The following ZNF385B variants were observed in gnomAD, a reference collection of about 807,000 sequenced individuals.
ZNF385B encodes the protein zinc finger protein 533.
Under a neutral mutation model 39.2 loss-of-function variants are expected in ZNF385B, and 23 were observed. That is an observed-to-expected ratio of 0.59 (90% CI 0.42 to 0.83). The LOEUF is 0.83. ZNF385B is among the 40% of genes least tolerant of loss of function. The pLI is 0.00. For missense variants in ZNF385B, 552 were observed against 598.9 expected (o/e 0.92, Z 0.82); for synonymous variants, 205 against 222.6 (o/e 0.92, Z 0.70).
chr2:179,738,097 C>T (rs2106443918), intron 3 of ZNF385B, among the ~76,000 whole-genome samples: 1 of 152,256 alleles, frequency 6.6e-6, no homozygotes, highest in East Asian at 1.9e-4. Flanking sequence ...TTCAGTAACA[C>T]CCATGAGGTA....
intron 1 of ZNF385B, among the ~76,000 whole-genome samples, chr2:179,859,378 T>A (rs1684860999): frequency 1.3e-5 from 2 of 152,244 alleles, no homozygotes; most frequent in Admixed American, 1.3e-4. Context: ...ATATAGATGA[T>A]ACTTAGTGGT....
At chr2:179,461,210 T>A (rs527520612) in intron 6 of ZNF385B, among the ~76,000 whole-genome samples, 1 of 152,260 alleles carries the variant, frequency 6.6e-6, no homozygotes, top group East Asian at 1.9e-4. Context: ...GAAATTTGGA[T>A]GTAACATAAG....
chr2:179,597,212 G>C (rs1405119572), intron 3 of ZNF385B, among the ~76,000 whole-genome samples: 1 of 152,110 alleles, frequency 6.6e-6, no homozygotes, highest in Non-Finnish European at 1.5e-5. Flanking sequence ...ACTTGTTATG[G>C]CAGCACGCCA....
At chr2:179,468,893 CTA>C (rs143450826) in intron 6 of ZNF385B, among the ~76,000 whole-genome samples, 4,952 of 152,216 alleles carry the variant, frequency 0.033, 133 homozygotes, top group Non-Finnish European at 0.051. Flanking sequence ...TCAAAGGAGA[CTA>C]TGTGGACATT....
At position 179,473,369 on chromosome 2, in the gene ZNF385B, G is replaced by A. The variant is rs113257019; in HGVS notation, c.715+9903C>T. On this transcript the variant is annotated intron_variant, in intron 6 of 9. Transcript: ENST00000410066. ...AAACGATCATAGAGTCAAAATATAG[G>A]CAGGACCTGGAAATTTCTTTGAACA... Among the ~76,000 whole-genome samples the A allele has an allele frequency of 9.6e-3, 1,467 of 152,248 alleles. 19 individuals carry two copies. The highest frequency in any genetic ancestry group is 0.033 in the African/African-American group (1,369 of 41,546).
At chr2:179,576,194 T>A in intron 3 of ZNF385B, 1 of 985,262 alleles carries the variant, frequency 1.0e-6, no homozygotes. Context: ...TCTCTTCACA[T>A]CATTACTGGA....
chr2:179,634,500 G>C (rs1241407065), intron 3 of ZNF385B, among the ~76,000 whole-genome samples: 1 of 152,176 alleles, frequency 6.6e-6, no homozygotes, highest in Admixed American at 6.5e-5. Context: ...AAACCACAAT[G>C]AGATACCATC....
At chr2:179,686,929 C>T (rs769066258) in intron 3 of ZNF385B, among the ~76,000 whole-genome samples, 2 of 148,206 alleles carry the variant, frequency 1.3e-5, no homozygotes, top group Non-Finnish European at 3.0e-5. Context: ...TCAATTCTCT[C>T]GAGGTAACTG....
At chr2:179,562,717 G>T in intron 3 of ZNF385B, 1 of 423,102 alleles carries the variant, frequency 2.4e-6, no homozygotes, top group Non-Finnish European at 3.2e-6. Flanking sequence ...GTATCCCCCA[G>T]CTACTCAAAA....
chr2:179,445,494 T>A, intron 8 of ZNF385B, 56 bp downstream of exon 8: 6 of 1,527,650 alleles, frequency 3.9e-6, no homozygotes, highest in Non-Finnish European at 5.3e-6. Context: ...GATGAGAAGA[T>A]ACACAGTCAA....
intron 5 of ZNF385B, among the ~76,000 whole-genome samples, chr2:179,490,318 C>T (rs1167447489): frequency 9.2e-6 from 1 of 108,650 alleles, no homozygotes; most frequent in African/African-American, 2.9e-5. Context: ...CACACACAAA[C>T]ACACACACAC....
chr2:179,794,360 A>C (rs1313537867), intron 1 of ZNF385B, among the ~76,000 whole-genome samples: 1 of 152,028 alleles, frequency 6.6e-6, no homozygotes, highest in Non-Finnish European at 1.5e-5. Context: ...ATTGTAGCTA[A>C]ATTTGTAAAC....
rs73039345 is a variant in ZNF385B at position 179,566,316 on chromosome 2, A to G, written c.299-21347T>C. Among the ~76,000 whole-genome samples, 940 of 152,306 alleles carry G rather than the reference A, an allele frequency of 6.2e-3. 8 individuals are homozygous for G. The highest frequency in any genetic ancestry group is 0.021 in the African/African-American group (881 of 41,572). ...TAATAATTCCTGGGATAGTCCTCAA[A>G]AGCTTAATTAACCTGCAGGACAGCT... is the stretch of plus-strand genomic sequence containing the variant. On this transcript the variant is annotated intron_variant, in intron 3 of 9. Transcript: ENST00000410066.
chr2:179,846,725 G>C (rs1708819970), intron 1 of ZNF385B, among the ~76,000 whole-genome samples: 1 of 152,232 alleles, frequency 6.6e-6, no homozygotes, highest in Admixed American at 6.5e-5. Context: ...CAAAACCCCT[G>C]AAGGTTTAAA....
chr2:179,803,728 T>C (rs1287494590), intron 1 of ZNF385B, among the ~76,000 whole-genome samples: 1 of 151,692 alleles, frequency 6.6e-6, no homozygotes, highest in African/African-American at 2.4e-5. Flanking sequence ...CTATAAAGCA[T>C]CAAAGAAAGA....
At chr2:179,807,723 G>A (rs1229201162) in intron 1 of ZNF385B, among the ~76,000 whole-genome samples, 8 of 151,788 alleles carry the variant, frequency 5.3e-5, no homozygotes, top group Non-Finnish European at 1.0e-4. Flanking sequence ...GTGAAACCCC[G>A]TCTCTACTAA....
At chr2:179,599,980 C>A (rs954186032) in intron 3 of ZNF385B, among the ~76,000 whole-genome samples, 1 of 152,100 alleles carries the variant, frequency 6.6e-6, no homozygotes, top group Non-Finnish European at 1.5e-5. Context: ...ACATGGATTG[C>A]GTTAACCATT....
chr2:179,804,946 C>T (rs1318534121), intron 1 of ZNF385B, among the ~76,000 whole-genome samples: 1 of 152,150 alleles, frequency 6.6e-6, no homozygotes, highest in African/African-American at 2.4e-5. Flanking sequence ...TTGATAATCT[C>T]TAGAGGGGCT....
Position 179,669,986 on chromosome 2 carries a change from C to A in ZNF385B, c.298+99517G>T, listed in dbSNP as rs562323894. Among the ~76,000 whole-genome samples, 4 of 152,222 alleles carry A rather than the reference C, an allele frequency of 2.6e-5. No individual in the cohort carries two copies. The South Asian group carries it at 8.3e-4, about 32-fold the overall frequency. ...GAGGTGAGGGAAAATCCCTGATTAG[C>A]AGTGTTTACAAAATCATGGTGCTGG... On this transcript the variant is annotated intron_variant, in intron 3 of 9. Coordinates refer to ENST00000410066, the MANE Select transcript of ZNF385B (RefSeq NM_152520.6).
Sources: gnomAD v4.1 joint callset for allele counts (sites outside exome capture counted in the v4.1 genomes callset) on GRCh38, gnomAD v4.1.1 for gene constraint, MANE v1.5 for transcripts, NCBI Gene and HGNC (gene_info 2026-07-23, HGNC 2026-07-21) for gene names.